PHF21B: variants seen among roughly 807,000 people sequenced by gnomAD.
PHF21B encodes the protein PHD finger protein 21B.
A neutral mutation model predicts 62.2 loss-of-function variants in PHF21B; 22 were observed. The ratio of observed to expected loss-of-function variants is 0.35; its 90% CI spans 0.25 to 0.51. The LOEUF (loss-of-function observed/expected upper bound fraction) is 0.51. PHF21B is among the 20% of genes least tolerant of loss of function. The pLI, the probability that PHF21B is intolerant of heterozygous loss-of-function variation, is 0.97. For synonymous variants in PHF21B, 341 were observed against 314.7 expected (o/e 1.08, Z -0.88); for missense variants, 701 against 707.9 (o/e 0.99, Z 0.11).
At chr22:44,889,264 T>G (rs1435377178) in intron 9 of PHF21B, among the ~76,000 whole-genome samples, 2 of 118,262 alleles carry the variant, frequency 1.7e-5, no homozygotes, top group East Asian at 5.3e-4. Context: ...GGATGTGGTG[T>G]GTGCACGGGT....
At chr22:44,884,961 C>G (rs1243748103) in intron 12 of PHF21B, among the ~76,000 whole-genome samples, 1 of 152,374 alleles carries the variant, frequency 6.6e-6, no homozygotes, top group East Asian at 1.9e-4. Flanking sequence ...GGAGGAATTA[C>G]GTTCACTTTA....
Position 44,916,474 on chromosome 22 carries a change from G to A in PHF21B, c.370C>T (p.Pro124Ser). Residue 124 changes from proline to serine, a missense_variant, in exon 4 of 13, where the codon CCA becomes TCA. Physicochemically the swap from Pro to Ser is moderately conservative, Grantham distance 74. Transcript: ENST00000313237. Reference protein sequence around the residue: ...PTANNTVSHVPAPGSQPQALA... With the variant: ...PTANNTVSHVSAPGSQPQALA... Reference sequence around the variant, plus strand: ...GCCTGGGGCTGGCTGCCGGGCGCTGGCACATGGCTGACAGTGTTGTTGGCG... The same window carrying A: ...GCCTGGGGCTGGCTGCCGGGCGCTGACACATGGCTGACAGTGTTGTTGGCG... 6.2e-7 allele frequency: 1 copy of A among 1,605,950 alleles called. No individual in the cohort carries two copies. The highest frequency in any genetic ancestry group is 8.5e-7 in the Non-Finnish European group (1 of 1,178,906).
chr22:44,923,736 G>A (rs2071579046), intron 2 of PHF21B, among the ~76,000 whole-genome samples: 2 of 152,022 alleles, frequency 1.3e-5, no homozygotes, highest in African/African-American at 4.8e-5. Context: ...AGATATACTG[G>A]GCCAGGCACA....
In PHF21B at chr22:44,885,883, G is replaced by C. The variant is rs1255852585; in HGVS notation, c.1253C>G (p.Ser418Cys). The C allele has an allele frequency of 2.5e-6, 4 of 1,614,124 alleles. No homozygotes were observed. The highest frequency in any genetic ancestry group is 3.4e-6 in the Non-Finnish European group (4 of 1,180,000). Reference protein sequence around the residue: ...PWTGMLAIVHSYVTHKTVKEE... With the variant: ...PWTGMLAIVHCYVTHKTVKEE... ...CTCACCTGTCTTGTGGGTGACATAA[G>C]AGTGCACGATGGCCAGCATCCCAGT... Residue 418 changes from serine (S) to cysteine (C), a missense_variant, in exon 11 of 13, where the codon TCT becomes TGT. Coordinates refer to ENST00000313237, the MANE Select transcript of PHF21B (RefSeq NM_138415.5).
intron 2 of PHF21B, among the ~76,000 whole-genome samples, chr22:44,959,939 G>C (rs1484068960): frequency 6.6e-6 from 1 of 152,220 alleles, no homozygotes; most frequent in African/African-American, 2.4e-5. Context: ...CTTGTGAGAA[G>C]TCAGGGCAGC....
rs753254430 is a variant in PHF21B at position 44,885,923 on chromosome 22, C to T, written c.1213G>A (p.Glu405Lys). 4 of 1,613,974 alleles carry T rather than the reference C, an allele frequency of 2.5e-6. No individual in the cohort carries two copies. The highest frequency in any genetic ancestry group is 2.7e-5 in the African/African-American group (2 of 74,926). Residue 405 changes from glutamate to lysine, a missense_variant, in exon 11 of 13, where the codon GAG becomes AAG. Glu to Lys is a moderately conservative substitution (Grantham distance 56). Transcript: ENST00000313237. Reference sequence around the variant, plus strand: ...AGCATCCCAGTCCAGGGCACACCCTCGTCTTTCTTTAAGGCCTGGGGAGCA... The same window carrying T: ...AGCATCCCAGTCCAGGGCACACCCTTGTCTTTCTTTAAGGCCTGGGGAGCA... ...RCQQKALKKDEGVPWTGMLAI... is the reference protein window; with the variant it reads ...RCQQKALKKDKGVPWTGMLAI...
intron 2 of PHF21B, among the ~76,000 whole-genome samples, chr22:45,001,546 C>T (rs963961667): frequency 6.6e-6 from 1 of 152,198 alleles, no homozygotes; most frequent in African/African-American, 2.4e-5. Context: ...CACCTGCCTC[C>T]CCAACTGCAT....
chr22:45,004,654 G>C (rs2073281788), intron 2 of PHF21B, among the ~76,000 whole-genome samples: 1 of 152,186 alleles, frequency 6.6e-6, no homozygotes, highest in Non-Finnish European at 1.5e-5. Context: ...GAAAGTCCTG[G>C]TACCAAAGGA....
intron 2 of PHF21B, among the ~76,000 whole-genome samples, chr22:44,964,912 G>A (rs1231601147): frequency 3.9e-5 from 6 of 152,298 alleles, no homozygotes; most frequent in Middle Eastern, 3.4e-3. Flanking sequence ...GTGTGAGGCC[G>A]GGCAGCACCT....
Position 44,885,862 on chromosome 22 carries a change from C to T in PHF21B, c.1273+1G>A, listed in dbSNP as rs1332710186. The T allele has an allele frequency of 1.2e-6, 2 of 1,613,930 alleles. No individual in the cohort carries two copies. The highest frequency in any genetic ancestry group is 1.7e-6 in the Non-Finnish European group (2 of 1,179,974). ...TTTTCCACTCCCCAGGGATGCCTCA[C>T]CTGTCTTGTGGGTGACATAAGAGTG... On this transcript the variant is annotated splice_donor_variant, in intron 11 of 12. Transcript: ENST00000313237. LOFTEE classifies it high-confidence loss of function.
intron 2 of PHF21B, among the ~76,000 whole-genome samples, chr22:44,924,670 T>C (rs1313217480): frequency 6.6e-6 from 1 of 152,232 alleles, no homozygotes; most frequent in Admixed American, 6.5e-5. Context: ...GGCACCTTGA[T>C]CTTGGACTTC....
At chr22:44,907,410 C>G (rs1260555846) in intron 5 of PHF21B, among the ~76,000 whole-genome samples, 4 of 152,224 alleles carry the variant, frequency 2.6e-5, no homozygotes, top group African/African-American at 9.6e-5. Context: ...GATCCCACCT[C>G]TGTGTGCTTG....
intron 2 of PHF21B, among the ~76,000 whole-genome samples, chr22:45,005,246 C>T (rs60574665): frequency 0.039 from 5,947 of 152,300 alleles, 375 homozygotes; most frequent in African/African-American, 0.13. Flanking sequence ...AAGAAGAGGG[C>T]CCTCCACTAT....
intron 12 of PHF21B, among the ~76,000 whole-genome samples, chr22:44,884,324 C>A (rs983942573): frequency 1.7e-5 from 2 of 120,024 alleles, no homozygotes; most frequent in Non-Finnish European, 3.5e-5. Flanking sequence ...TGATCAGCAC[C>A]ATCACCACCA....
intron 5 of PHF21B, among the ~76,000 whole-genome samples, chr22:44,897,321 G>A (rs949243835): frequency 7.2e-5 from 11 of 151,988 alleles, no homozygotes; most frequent in African/African-American, 1.9e-4. Context: ...TAGCCACCCC[G>A]TATCATTCCC....
chr22:44,936,906 C>G (rs996394719), intron 2 of PHF21B, among the ~76,000 whole-genome samples: 35 of 131,798 alleles, frequency 2.7e-4, no homozygotes, highest in African/African-American at 1.0e-3. Flanking sequence ...GAGTTTCACT[C>G]TTATTGCCCA....
In PHF21B at chr22:44,955,708, G is replaced by A. The variant is rs566282741; in HGVS notation, c.121-35218C>T. Among the ~76,000 whole-genome samples, 142 of 152,284 alleles carry A rather than the reference G, an allele frequency of 9.3e-4. No individual in the cohort carries two copies. The Middle Eastern group carries it at 0.01, about 11-fold the overall frequency. On this transcript the variant is annotated intron_variant, in intron 2 of 12. Transcript: ENST00000313237. ...GGCCTTAGATTTGGACTGAATGACAGCACCGGCGTTCCAGAGTCTCCAGTT... is the reference window on the plus strand; with the variant it reads ...GGCCTTAGATTTGGACTGAATGACAACACCGGCGTTCCAGAGTCTCCAGTT...
intron 2 of PHF21B, among the ~76,000 whole-genome samples, chr22:44,938,415 G>C (rs1049388706): frequency 6.6e-6 from 1 of 152,222 alleles, no homozygotes; most frequent in East Asian, 1.9e-4. Context: ...TGTATTTTTA[G>C]TAGAGACAGG....
chr22:44,948,796 T>A (rs2072131249), intron 2 of PHF21B, among the ~76,000 whole-genome samples: 1 of 152,156 alleles, frequency 6.6e-6, no homozygotes, highest in African/African-American at 2.4e-5. Flanking sequence ...CTCAGGATAT[T>A]CCACTTTGAC....
Sources: gnomAD v4.1 joint callset for allele counts (sites outside exome capture counted in the v4.1 genomes callset) on GRCh38, gnomAD v4.1.1 for gene constraint, MANE v1.5 for transcripts, NCBI Gene and HGNC (gene_info 2026-07-23, HGNC 2026-07-21) for gene names.